The following MARCHF1 variants were observed in gnomAD, a reference collection of about 807,000 sequenced individuals.
The protein encoded by MARCHF1 is membrane associated ring-CH-type finger 1.
Under a neutral mutation model 54.2 loss-of-function variants are expected in MARCHF1, and 40 were observed. The ratio of observed to expected loss-of-function variants is 0.74; its 90% CI spans 0.57 to 0.96. MARCHF1 has a LOEUF of 0.96. MARCHF1 is among the 40% of genes least tolerant of loss of function. The pLI, the probability that MARCHF1 is intolerant of heterozygous loss-of-function variation, is 0.00. For synonymous variants in MARCHF1, 236 were observed against 236.3 expected, an observed-to-expected ratio of 1.00 and a Z score of 0.01; for missense variants, 586 against 656.5, an observed-to-expected ratio of 0.89 and a Z score of 1.17.
At chr4:163,842,134 T>G (rs1319448284) in intron 4 of MARCHF1, among the ~76,000 whole-genome samples, 1 of 152,106 alleles carries the variant, frequency 6.6e-6, no homozygotes, top group Non-Finnish European at 1.5e-5. Flanking sequence ...GAGAATCTAT[T>G]AAACAACCTT....
At chr4:163,618,424 G>A (rs904874935) in intron 5 of MARCHF1, among the ~76,000 whole-genome samples, 3 of 152,228 alleles carry the variant, frequency 2.0e-5, no homozygotes, top group Admixed American at 6.5e-5. Flanking sequence ...TCAGAGGGGC[G>A]GTTCTGGGAA....
At chr4:163,579,047 C>T (rs1226192025) in intron 8 of MARCHF1, among the ~76,000 whole-genome samples, 1 of 152,140 alleles carries the variant, frequency 6.6e-6, no homozygotes, top group Non-Finnish European at 1.5e-5. Context: ...TCTATCTGAA[C>T]AACCTACTCT....
chr4:163,929,616 A>G (rs1290786881), intron 3 of MARCHF1, among the ~76,000 whole-genome samples: 1 of 151,842 alleles, frequency 6.6e-6, no homozygotes, highest in Non-Finnish European at 1.5e-5. Flanking sequence ...CCAGGTATAT[A>G]TATCAATATG....
At chr4:164,088,909 T>C (rs1416354134) in intron 2 of MARCHF1, among the ~76,000 whole-genome samples, 4 of 152,176 alleles carry the variant, frequency 2.6e-5, no homozygotes, top group African/African-American at 7.2e-5. Context: ...AAGAGATACA[T>C]GCTAAAATTG....
intron 4 of MARCHF1, among the ~76,000 whole-genome samples, chr4:163,832,245 C>A (rs1749046747): frequency 6.6e-6 from 1 of 152,100 alleles, no homozygotes; most frequent in African/African-American, 2.4e-5. Flanking sequence ...CGTGCAGATT[C>A]ATGAGAATAA....
At chr4:163,830,781 T>A (rs1287348454) in intron 4 of MARCHF1, among the ~76,000 whole-genome samples, 1 of 151,780 alleles carries the variant, frequency 6.6e-6, no homozygotes, top group Non-Finnish European at 1.5e-5. Flanking sequence ...AAAAGAAAAA[T>A]TTTTAAAAAT....
chr4:164,122,543 T>C (rs562735155), intron 1 of MARCHF1, among the ~76,000 whole-genome samples: 1 of 152,148 alleles, frequency 6.6e-6, no homozygotes, highest in Non-Finnish European at 1.5e-5. Context: ...ACATCATACC[T>C]GATAGAACCA....
chr4:163,672,541 A>C (rs1485918508), intron 5 of MARCHF1, among the ~76,000 whole-genome samples: 1 of 152,156 alleles, frequency 6.6e-6, no homozygotes, highest in East Asian at 1.9e-4. Context: ...TATATGGTAA[A>C]ATACTATTTT....
At chr4:163,674,488 CTCTT>C (rs1362239712) in intron 5 of MARCHF1, among the ~76,000 whole-genome samples, 2 of 152,298 alleles carry the variant, frequency 1.3e-5, no homozygotes, top group Admixed American at 6.5e-5. Flanking sequence ...CCTCAGCCAG[CTCTT>C]TCTTAAAAGT....
At position 164,203,757 on chromosome 4, in the gene MARCHF1, TCAATCTGGACTCTACG is replaced by T. The variant is rs113452912; in HGVS notation, c.-322-92111_-322-92096del. 1.2e-3 allele frequency among the ~76,000 whole-genome samples: 182 copies of T among 152,258 alleles called. 1 individual carries two copies. Among genetic ancestry groups the T allele is most frequent in the African/African-American group, 4.1e-3 (170 of 41,558 alleles). On this transcript the variant is annotated intron_variant, in intron 1 of 9. Coordinates refer to ENST00000514618, the MANE Select transcript of MARCHF1 (RefSeq NM_001394959.1). The stretch of plus-strand genomic sequence containing the variant: ...AAAATAGTAGAGATTTGCCTGACCT[TCAATCTGGACTCTACG>T]GAAAACACCCTCGCTTGAGAGTAGA...
At chr4:163,637,020 TGCTGGGAAAACTG>T (rs1377947683) in intron 5 of MARCHF1, among the ~76,000 whole-genome samples, 1 of 151,490 alleles carries the variant, frequency 6.6e-6, no homozygotes, top group Non-Finnish European at 1.5e-5. Flanking sequence ...TAATCAATGG[TGCTGGGAAAACTG>T]GCTAGCCATA....
chr4:163,744,752 A>G (rs368240946), intron 4 of MARCHF1, among the ~76,000 whole-genome samples: 1 of 152,178 alleles, frequency 6.6e-6, no homozygotes, highest in Non-Finnish European at 1.5e-5. Context: ...GTGTGTTTAT[A>G]TCCTTTAATG....
intron 4 of MARCHF1, among the ~76,000 whole-genome samples, chr4:163,734,571 C>A (rs1029375554): frequency 6.7e-6 from 1 of 148,648 alleles, no homozygotes; most frequent in African/African-American, 2.5e-5. Context: ...AAAGCTCCTG[C>A]TTTTTGTAAT....
At chr4:163,898,641 T>G (rs1750870051) in intron 3 of MARCHF1, among the ~76,000 whole-genome samples, 1 of 152,096 alleles carries the variant, frequency 6.6e-6, no homozygotes. Context: ...CTCAAAGAAC[T>G]AAAACTAGAA....
chr4:164,048,631 T>C (rs1191957709), intron 2 of MARCHF1, among the ~76,000 whole-genome samples: 1 of 152,164 alleles, frequency 6.6e-6, no homozygotes, highest in African/African-American at 2.4e-5. Flanking sequence ...GTTTCCAAAG[T>C]TGATACACTA....
At chr4:164,153,449 T>C (rs1350532190) in intron 1 of MARCHF1, among the ~76,000 whole-genome samples, 1 of 152,094 alleles carries the variant, frequency 6.6e-6, no homozygotes, top group Non-Finnish European at 1.5e-5. Flanking sequence ...TAAATTAAGT[T>C]TGAAATATTG....
chr4:164,371,137 C>G (rs565199604), intron 1 of MARCHF1, among the ~76,000 whole-genome samples: 3 of 152,030 alleles, frequency 2.0e-5, no homozygotes, highest in African/African-American at 7.2e-5. Context: ...TATATGGCAC[C>G]TAGATATGCC....
chr4:164,029,171 C>T (rs2110987581), intron 2 of MARCHF1, among the ~76,000 whole-genome samples: 1 of 152,072 alleles, frequency 6.6e-6, no homozygotes, highest in African/African-American at 2.4e-5. Context: ...TGATACTTGG[C>T]AATTTATTTT....
intron 4 of MARCHF1, chr4:163,828,698 C>T (rs759721720): frequency 6.6e-6 from 1 of 152,130 alleles, no homozygotes; most frequent in African/African-American, 2.4e-5. Flanking sequence ...GGCAAAACAT[C>T]TCATTGTGGA....
Sources: allele counts gnomAD v4.1 joint callset (sites outside exome capture counted in the v4.1 genomes callset), GRCh38; gene constraint gnomAD v4.1.1; transcripts MANE v1.5; gene names NCBI Gene and HGNC (gene_info 2026-07-23, HGNC 2026-07-21).